The following GDPD1 variants were observed in gnomAD, a reference collection of about 807,000 sequenced individuals.
GDPD1 encodes the protein glycerophosphodiester phosphodiesterase domain containing 1, also known as lysophospholipase D GDPD1.
Under a neutral mutation model 45.1 loss-of-function variants are expected in GDPD1, and 28 were observed. The ratio of observed to expected loss-of-function variants is 0.62; its 90% CI spans 0.46 to 0.85. The LOEUF is 0.85. Ranked by LOEUF, GDPD1 falls within the 40% of genes least tolerant of loss-of-function variation. The pLI is 0.00. For synonymous variants in GDPD1, 139 were observed against 131.4 expected, an observed-to-expected ratio of 1.06 and a Z score of -0.40; for missense variants, 256 against 364.8, an observed-to-expected ratio of 0.70 and a Z score of 2.43.
chr17:59,242,141 C>T (rs2047180042), intron 2 of GDPD1, among the ~76,000 whole-genome samples: 1 of 152,090 alleles, frequency 6.6e-6, no homozygotes. Flanking sequence ...TGGCTCACTG[C>T]AACCTCCACT....
Position 59,273,347 on chromosome 17 carries a change from C to T in GDPD1, c.823-304C>T, listed in dbSNP as rs537155147. On this transcript the variant is annotated intron_variant, in intron 9 of 9. Coordinates refer to ENST00000284116, the MANE Select transcript of GDPD1 (RefSeq NM_182569.4). ...TTTGCCATGTTGGCCAGGCTGATCTCGAACTCCGGACCTCAGGTGATCTGC... is the reference window on the plus strand; with the variant it reads ...TTTGCCATGTTGGCCAGGCTGATCTTGAACTCCGGACCTCAGGTGATCTGC... Among the ~76,000 whole-genome samples the T allele has an allele frequency of 2.0e-3, 307 of 152,116 alleles. 1 individual carries two copies. Among genetic ancestry groups the T allele is most frequent in the African/African-American group, 7.1e-3 (295 of 41,520 alleles).
chr17:59,274,271 G>A lies in GDPD1; in HGVS notation c.*498G>A. 2.3e-6 allele frequency: 1 copy of A among 443,224 alleles called. No homozygotes were observed. The highest frequency in any genetic ancestry group is 3.0e-6 in the Non-Finnish European group (1 of 334,490). The allele number at this position is 443,224 out of a possible 1,614,324, so 27.5% of individuals were successfully genotyped here. A position where few individuals can be genotyped will look rare whatever the true frequency, so the allele number is the denominator to read the frequency against. On this transcript the variant is annotated 3_prime_UTR_variant, in exon 10 of 10. Transcript: ENST00000284116. ...CTCATGCCTGTAATCCCAGCACTTT[G>A]GGAGGCTGAGACAGGCGGATCATCT...
In GDPD1 at chr17:59,259,289, C is replaced by T. The variant is rs373463162; in HGVS notation, c.576+1449C>T. ...TATTAAAAATACAAAAAATAGAGGC[C>T]GGGCGCGGTGGCTCACGCCTGTAAT... On this transcript the variant is annotated intron_variant, in intron 6 of 9. Transcript: ENST00000284116. Among the ~76,000 whole-genome samples, 53 of 148,620 alleles carry T rather than the reference C, an allele frequency of 3.6e-4. No homozygotes were observed. In the South Asian group the frequency reaches 0.011, roughly 30 times the overall value.
intron 1 of GDPD1, among the ~76,000 whole-genome samples, chr17:59,227,257 A>G (rs555490635): frequency 2.6e-4 from 40 of 151,974 alleles, no homozygotes; most frequent in African/African-American, 9.4e-4. Context: ...CGTCTCTACT[A>G]AAAATACAAA....
chr17:59,265,002 G>A (rs966808075), intron 6 of GDPD1, among the ~76,000 whole-genome samples: 6 of 151,482 alleles, frequency 4.0e-5, no homozygotes, highest in Non-Finnish European at 7.4e-5. Context: ...CACCACGCCC[G>A]GCTAATTTTT....
intron 4 of GDPD1, among the ~76,000 whole-genome samples, chr17:59,254,360 C>CAAAA (rs1198335465): frequency 4.8e-5 from 3 of 62,164 alleles, no homozygotes; most frequent in African/African-American, 1.6e-4. Context: ...GACTCCGTCT[C>CAAAA]AAAAAAAAAA....
chr17:59,273,987 A>C lies in GDPD1; in HGVS notation c.*214A>C. 1.3e-6 allele frequency: 1 copy of C among 749,224 alleles called. No homozygotes were observed. Among genetic ancestry groups the C allele is most frequent in the Non-Finnish European group, 1.6e-6 (1 of 610,808 alleles). The allele number at this position is 749,224 out of a possible 1,614,324, so 46.4% of individuals were successfully genotyped here. A position where few individuals can be genotyped will look rare whatever the true frequency, so the allele number is the denominator to read the frequency against. ...TATTTTATGTTTGTAAATTGTTTAG[A>C]AAGATAATTGGTTATGAGATGTAAG... On this transcript the variant is annotated 3_prime_UTR_variant, in exon 10 of 10. Transcript: ENST00000284116.
At chr17:59,273,454 A>G (rs2047458486) in intron 9 of GDPD1, among the ~76,000 whole-genome samples, 197 bp from the exon 10 acceptor site, 1 of 152,130 alleles carries the variant, frequency 6.6e-6, no homozygotes, top group Admixed American at 6.5e-5. Context: ...AACAAGCACC[A>G]TGAATTTTTT....
rs1360826876 is a variant in GDPD1 at position 59,275,205 on chromosome 17, CTTAG to C, written c.*1436_*1439del. 2.6e-6 allele frequency: 4 copies of C among 1,535,912 alleles called. No individual in the cohort carries two copies. The highest frequency in any genetic ancestry group is 2.4e-5 in the South Asian group (2 of 84,018). ...AGTGTCTTGTTATTTCTAGGTGTAC[CTTAG>C]TTAAAGAGGAAAAATAAAACGGAAA... On this transcript the variant is annotated 3_prime_UTR_variant, in exon 10 of 10. Transcript: ENST00000284116.
Position 59,220,626 on chromosome 17 carries a change from C to G in GDPD1, c.17C>G (p.Ala6Gly), listed in dbSNP as rs2046995664. The G allele has an allele frequency of 3.7e-6, 6 of 1,613,842 alleles. No individual in the cohort carries two copies. Among genetic ancestry groups the G allele is most frequent in the Non-Finnish European group, 5.1e-6 (6 of 1,179,872 alleles). ...GTGACTGAGATGTCGTCCACTGCGGCTTTTTACCTTCTCTCTACGCTAGGA... is the reference window on the plus strand; with the variant it reads ...GTGACTGAGATGTCGTCCACTGCGGGTTTTTACCTTCTCTCTACGCTAGGA... Reference protein sequence around the residue: MSSTAAFYLLSTLGGY... With the variant: MSSTAGFYLLSTLGGY... Residue 6 changes from alanine to glycine, a missense_variant, in exon 1 of 10, where the codon GCT becomes GGT. Transcript: ENST00000284116.
chr17:59,239,840 C>T (rs1026962711), intron 2 of GDPD1, among the ~76,000 whole-genome samples: 4 of 151,304 alleles, frequency 2.6e-5, no homozygotes, highest in African/African-American at 9.7e-5. Flanking sequence ...CTCAAGCGAT[C>T]CTCACACTTC....
In GDPD1 at chr17:59,257,771, G is replaced by A; in HGVS notation, c.507G>A (p.Arg169=). ...LIKKVSELVK[R]YNREHLTVWG... ...CGTAGGTTTCAGAGTTGGTGAAGCGGTATAATCGAGAACACTTAACAGTGT... is the reference window on the plus strand; with the variant it reads ...CGTAGGTTTCAGAGTTGGTGAAGCGATATAATCGAGAACACTTAACAGTGT... The change falls in exon 6 of 10, where the codon CGG becomes CGA. Residue 169 remains arginine, a synonymous_variant. Coordinates refer to ENST00000284116, the MANE Select transcript of GDPD1 (RefSeq NM_182569.4). 6.2e-7 allele frequency: 1 copy of A among 1,605,516 alleles called. No individual in the cohort carries two copies. The highest frequency in any genetic ancestry group is 1.1e-5 in the South Asian group (1 of 89,014).
intron 2 of GDPD1, among the ~76,000 whole-genome samples, chr17:59,235,759 T>C (rs960787755): frequency 1.5e-4 from 22 of 151,120 alleles, no homozygotes; most frequent in Non-Finnish European, 2.8e-4. Context: ...AGAGGTTGCA[T>C]TGAGCCGAGA....
intron 1 of GDPD1, among the ~76,000 whole-genome samples, chr17:59,227,417 TA>T (rs935860398): frequency 1.6e-3 from 220 of 138,870 alleles, no homozygotes; most frequent in Non-Finnish European, 1.5e-3. Context: ...AGATTCCAAC[TA>T]AAAAAAAAAA....
At chr17:59,231,329 T>TC (rs992494110) in intron 1 of GDPD1, among the ~76,000 whole-genome samples, 3 of 145,040 alleles carry the variant, frequency 2.1e-5, no homozygotes, top group African/African-American at 7.7e-5. Context: ...TCTTTCTTTT[T>TC]TTTTTTTTTT....
intron 6 of GDPD1, among the ~76,000 whole-genome samples, chr17:59,265,449 A>G (rs2147903527): frequency 6.6e-6 from 1 of 151,986 alleles, no homozygotes; most frequent in African/African-American, 2.4e-5. Flanking sequence ...GAGGTGTGGG[A>G]TCACTTGAGC....
At chr17:59,233,739 C>T (rs1403260238) in intron 1 of GDPD1, among the ~76,000 whole-genome samples, 4 of 152,144 alleles carry the variant, frequency 2.6e-5, no homozygotes, top group African/African-American at 7.2e-5. Context: ...AAATGCTTAT[C>T]GGTAGCCTAT....
intron 2 of GDPD1, among the ~76,000 whole-genome samples, chr17:59,240,910 C>G (rs2047170620): frequency 6.6e-6 from 1 of 152,204 alleles, no homozygotes; most frequent in African/African-American, 2.4e-5. Context: ...CTGCAAGCTC[C>G]ATTCATGATA....
chr17:59,226,870 G>A (rs1437624357), intron 1 of GDPD1, among the ~76,000 whole-genome samples: 2 of 150,774 alleles, frequency 1.3e-5, no homozygotes, highest in East Asian at 2.0e-4. Context: ...TAGTAGAGAC[G>A]GGGTTTCACC....
Sources: allele counts gnomAD v4.1 joint callset (sites outside exome capture counted in the v4.1 genomes callset), GRCh38; gene constraint gnomAD v4.1.1; transcripts MANE v1.5; gene names NCBI Gene and HGNC (gene_info 2026-07-23, HGNC 2026-07-21).